The following ALOXE3 variants were observed in gnomAD, a reference collection of about 807,000 sequenced individuals.
ALOXE3 encodes the protein hydroperoxide isomerase ALOXE3.
ALOXE3 carries 78 observed loss-of-function variants against 87.5 expected under a neutral mutation model. The observed-to-expected ratio is 0.89, with a 90% CI of 0.74 to 1.08. The LOEUF (loss-of-function observed/expected upper bound fraction) is 1.08, where lower values mean the gene tolerates loss of function less well. ALOXE3 is among the 50% of genes least tolerant of loss of function. ALOXE3 has a pLI of 0.00. For missense variants in ALOXE3, 946 were observed against 912.4 expected (o/e 1.04, Z -0.47); for synonymous variants, 363 against 370.8 (o/e 0.98, Z 0.24).
At position 8,103,215 on chromosome 17, in the gene ALOXE3, G is replaced by A; in HGVS notation, c.1956+108C>T. 6 of 1,333,018 alleles carry A rather than the reference G, an allele frequency of 4.5e-6. No individual in the cohort carries two copies. In the South Asian group the frequency reaches 7.2e-5, roughly 16 times the overall value. The allele number at this position is 1,333,018 out of a possible 1,614,324, so 82.6% of individuals were successfully genotyped here. On this transcript the variant is annotated intron_variant, in intron 15 of 15. Coordinates refer to ENST00000448843, the MANE Select transcript of ALOXE3 (RefSeq NM_021628.3). The stretch of plus-strand genomic sequence containing the variant: ...TTGAAGAACCCAAGGCAGTTCTGCA[G>A]TGAACATAAATCCCGTCGATCAGTC...
chr17:8,111,637 ACT>A, intron 7 of ALOXE3, 106 bp from the exon 8 acceptor site: 1 of 1,166,100 alleles, frequency 8.6e-7, no homozygotes, highest in Non-Finnish European at 1.3e-6. Context: ...CTTCCCAAAA[ACT>A]CTATGAGGTA....
rs78231998 is a variant in ALOXE3, at chr17:8,103,888, T to C, written c.1785+227A>G. On this transcript the variant is annotated intron_variant, in intron 14 of 15. Transcript: ENST00000448843. ...CTAACCATGAGAGGAGCCCCTAAGT[T>C]CTTCTCCCAAATTAACATCAACTTG... Among the ~76,000 whole-genome samples the C allele has an allele frequency of 8.0e-4, 121 of 152,092 alleles. 2 individuals carry two copies. In the East Asian group the frequency reaches 0.023, roughly 29 times the overall value.
Position 8,118,044 on chromosome 17 carries a change from C to G in ALOXE3, c.-54G>C. 6.3e-7 allele frequency: 1 copy of G among 1,596,936 alleles called. No individual in the cohort carries two copies. Among genetic ancestry groups the G allele is most frequent in the South Asian group, 1.1e-5 (1 of 89,040 alleles). ...AACGCTGGCCGCAGCAGCAGCCGGC[C>G]TGGAGGAGAAGAGCGGCACGCCGGA... On this transcript the variant is annotated 5_prime_UTR_variant, in exon 2 of 16. Transcript: ENST00000448843.
In ALOXE3 at chr17:8,096,582, T is replaced by A; in HGVS notation, c.*45A>T. 2 of 931,758 alleles carry A rather than the reference T, an allele frequency of 2.1e-6. No homozygotes were observed. Among genetic ancestry groups the A allele is most frequent in the Non-Finnish European group, 1.8e-6 (1 of 556,680 alleles). The allele number at this position is 931,758 out of a possible 1,614,324, so 57.7% of individuals were successfully genotyped here. A position where few individuals can be genotyped will look rare whatever the true frequency, so the allele number is the denominator to read the frequency against. The stretch of plus-strand genomic sequence containing the variant: ...GGAGGACCTGAGGAACTGGTCCTCC[T>A]CATGCTTGGACCTTTCTTTCTTCTT... On this transcript the variant is annotated 3_prime_UTR_variant, in exon 16 of 16. Transcript: ENST00000448843.
chr17:8,101,981 G>C (rs1039561117), intron 15 of ALOXE3, among the ~76,000 whole-genome samples: 1 of 152,180 alleles, frequency 6.6e-6, no homozygotes, highest in Non-Finnish European at 1.5e-5. Flanking sequence ...TCAAGCGTGA[G>C]AAATAAGAAT....
intron 12 of ALOXE3, among the ~76,000 whole-genome samples, chr17:8,108,908 A>G (rs1298271016): frequency 2.0e-5 from 3 of 151,924 alleles, no homozygotes; most frequent in Non-Finnish European, 4.4e-5. Context: ...GCCCCAGCCC[A>G]TGCTTAAATG....
Position 8,116,830 on chromosome 17 carries a change from G to C in ALOXE3, c.298C>G (p.Pro100Ala). The C allele has an allele frequency of 5.0e-6, 8 of 1,614,232 alleles. No homozygotes were observed. Among genetic ancestry groups the C allele is most frequent in the Non-Finnish European group, 6.8e-6 (8 of 1,180,044 alleles). ...TAGCCTTCAATCCACTGATAGCAGG[G>C]GAAGTGGGATACACTACCATCCGGT... ...TEPDGSVSHFPCYQWIEGYCT... is the reference protein window; with the variant it reads ...TEPDGSVSHFACYQWIEGYCT... Residue 100 changes from proline (P) to alanine (A), a missense_variant, in exon 3 of 16, where the codon CCC becomes GCC. Coordinates refer to ENST00000448843, the MANE Select transcript of ALOXE3 (RefSeq NM_021628.3).
intron 13 of ALOXE3, among the ~76,000 whole-genome samples, chr17:8,107,164 GGATCAGCACT>G (rs1418017848): frequency 5.3e-5 from 8 of 152,180 alleles, no homozygotes; most frequent in African/African-American, 1.9e-4. Context: ...GGAGCTGTCA[GGATCAGCACT>G]GATCATGATT....
intron 14 of ALOXE3, 55 bp from the exon 15 acceptor site, chr17:8,103,548 C>T: frequency 6.4e-7 from 1 of 1,574,184 alleles, no homozygotes; most frequent in Non-Finnish European, 8.7e-7. Flanking sequence ...AGTATCACCT[C>T]CCTCTTCACC....
At position 8,110,393 on chromosome 17, in the gene ALOXE3, C is replaced by A; in HGVS notation, c.1093G>T (p.Ala365Ser). Residue 365 changes from alanine (A) to serine (S), a missense_variant, in exon 9 of 16, where the codon GCC becomes TCC. Transcript: ENST00000448843. ...LSPQGALVPL[A>S]IQLSQTPGPD... ...GGCGGCGCCGGGCTCACCTGGATGG[C>A]CAAGGGCACCAGCGCCCCCTGGGGG... 1 of 1,607,384 alleles carries A rather than the reference C, an allele frequency of 6.2e-7. No homozygotes were observed. The highest frequency in any genetic ancestry group is 1.1e-5 in the South Asian group (1 of 90,448).
chr17:8,114,455 G>C, intron 6 of ALOXE3, 29 bp downstream of exon 6: 1 of 1,613,996 alleles, frequency 6.2e-7, no homozygotes, highest in Admixed American at 1.7e-5. Context: ...AGAGATGTAA[G>C]ATGTTCATTA....
intron 13 of ALOXE3, among the ~76,000 whole-genome samples, chr17:8,105,690 C>T (rs1979248325): frequency 6.6e-6 from 1 of 151,998 alleles, no homozygotes; most frequent in African/African-American, 2.4e-5. Flanking sequence ...ATTGCTCAAG[C>T]CCAGGAGTTT....
intron 4 of ALOXE3, 122 bp downstream of exon 4, chr17:8,115,485 A>G (rs1980505140): frequency 3.9e-6 from 4 of 1,020,876 alleles, no homozygotes; most frequent in Non-Finnish European, 6.1e-6. Flanking sequence ...TTAGGTCCAA[A>G]TAAGAGTCCT....
rs768867889 is a variant in ALOXE3, at chr17:8,118,067, G to C, written c.-77C>G. ...GCCTGGAGGAGAAGAGCGGCACGCC[G>C]GACAGGGCTGGGTTTCTGGGCGGAG... is the stretch of plus-strand genomic sequence containing the variant. On this transcript the variant is annotated 5_prime_UTR_variant, in exon 2 of 16. Coordinates refer to ENST00000448843, the MANE Select transcript of ALOXE3 (RefSeq NM_021628.3). 3.8e-6 allele frequency: 6 copies of C among 1,574,484 alleles called. No individual in the cohort carries two copies. In the East Asian group the frequency reaches 9.2e-5, roughly 24 times the overall value.
chr17:8,097,872 C>T (rs529888812), intron 15 of ALOXE3, among the ~76,000 whole-genome samples: 21 of 151,842 alleles, frequency 1.4e-4, no homozygotes, highest in Admixed American at 4.6e-4. Flanking sequence ...CTCAGCCTCC[C>T]GAGTAGCTGG....
In ALOXE3 at chr17:8,109,227, G is replaced by A. The variant is rs759316171; in HGVS notation, c.1509C>T (p.Ile503=). The change falls in exon 12 of 16, where the codon ATC becomes ATT. Residue 503 remains isoleucine, a synonymous_variant. Coordinates refer to ENST00000448843, the MANE Select transcript of ALOXE3 (RefSeq NM_021628.3). ...CGTCGTCTCGGTAGTGGTAGTTGGGGATAGCCAGGACGCCGCGGGCCCGCA... is the reference window on the plus strand; with the variant it reads ...CGTCGTCTCGGTAGTGGTAGTTGGGAATAGCCAGGACGCCGCGGGCCCGCA... The part of the protein sequence containing the change: ...DSLRARGVLA[I]PNYHYRDDGL... The A allele has an allele frequency of 6.2e-6, 10 of 1,614,064 alleles. No homozygotes were observed. In the South Asian group the frequency reaches 1.1e-4, roughly 18 times the overall value.
In ALOXE3 at chr17:8,109,998, A is replaced by T; in HGVS notation, c.1310T>A (p.Leu437Gln). 6.4e-7 allele frequency: 1 copy of T among 1,555,102 alleles called. No individual in the cohort carries two copies. The highest frequency in any genetic ancestry group is 8.7e-7 in the Non-Finnish European group (1 of 1,148,902). The change falls in exon 11 of 16, where the codon CTA becomes CAA. Residue 437 changes from leucine (L) to glutamine (Q), a missense_variant. Leu to Gln is a moderately radical substitution (Grantham distance 113). Coordinates refer to ENST00000448843, the MANE Select transcript of ALOXE3 (RefSeq NM_021628.3). Reference protein sequence around the residue: ...LPLCHPIYKLLLPHTRYTLQV... With the variant: ...LPLCHPIYKLQLPHTRYTLQV... ...CAGCGTGTATCGAGTGTGGGGGAGT[A>T]GGAGCTGCGAGCGGAGCGGATCACG...
intron 13 of ALOXE3, among the ~76,000 whole-genome samples, chr17:8,107,921 GAAAGAAAGAAAGAAAGAAAGAAAGAAAGA>G (rs1979546334): frequency 1.7e-4 from 1 of 5,924 alleles, no homozygotes; most frequent in African/African-American, 8.2e-4. Context: ...AAGAAAGAAA[GAAAGAAAGAAAGAAAGAAAGAAAGAAAGA>G]AAGAAAGAAA....
chr17:8,108,573 C>A lies in ALOXE3; in HGVS notation c.1579G>T (p.Val527Leu). The A allele has an allele frequency of 6.2e-7, 1 of 1,611,988 alleles. No individual in the cohort carries two copies. The highest frequency in any genetic ancestry group is 8.5e-7 in the Non-Finnish European group (1 of 1,178,612). ...GCGTCACTGGGATAATAGTAGCCCACGATTTCTGAGACAAAGCTGCAGGAA... is the reference window on the plus strand; with the variant it reads ...GCGTCACTGGGATAATAGTAGCCCAAGATTTCTGAGACAAAGCTGCAGGAA... Reference protein sequence around the residue: ...AAIESFVSEIVGYYYPSDASV... With the variant: ...AAIESFVSEILGYYYPSDASV... The change falls in exon 13 of 16, where the codon GTG (valine) becomes TTG (leucine). Residue 527 changes from valine to leucine, a missense_variant. Transcript: ENST00000448843.
Sources: gnomAD v4.1 joint callset for allele counts (sites outside exome capture counted in the v4.1 genomes callset) on GRCh38, gnomAD v4.1.1 for gene constraint, MANE v1.5 for transcripts, NCBI Gene and HGNC (gene_info 2026-07-23, HGNC 2026-07-21) for gene names.